FBXW8: variants seen among roughly 807,000 people sequenced by gnomAD.
The protein encoded by FBXW8 is F-box and WD repeat domain containing 8.
A neutral mutation model predicts 65.3 loss-of-function variants in FBXW8; 57 were observed. The ratio of observed to expected loss-of-function variants is 0.87; its 90% CI spans 0.71 to 1.09. The LOEUF is 1.09. Among genes scored for constraint, FBXW8 ranks in the 50% least tolerant of loss-of-function variants. FBXW8 has a pLI of 0.00. For synonymous variants in FBXW8, 308 were observed against 330.2 expected (o/e 0.93, Z 0.73); for missense variants, 777 against 814.8 (o/e 0.95, Z 0.57).
intron 8 of FBXW8, among the ~76,000 whole-genome samples, chr12:117,023,123 G>A (rs184607645): frequency 5.3e-5 from 8 of 152,234 alleles, no homozygotes; most frequent in Non-Finnish European, 8.8e-5. Context: ...TAGAATTGTT[G>A]GTTCAAAATA....
chr12:116,988,592 A>T, intron 6 of FBXW8, 71 bp from the exon 7 acceptor site: 1 of 1,326,570 alleles, frequency 7.5e-7, no homozygotes. Context: ...ATTGATGTGT[A>T]GGTGGAATTG....
At chr12:117,024,989 A>C (rs1233327712) in intron 9 of FBXW8, among the ~76,000 whole-genome samples, 1 of 152,178 alleles carries the variant, frequency 6.6e-6, no homozygotes, top group Non-Finnish European at 1.5e-5. Flanking sequence ...AGTGGCACCT[A>C]ACTGGTTAAG....
chr12:116,929,207 G>A (rs760104424), intron 2 of FBXW8, among the ~76,000 whole-genome samples: 2 of 152,006 alleles, frequency 1.3e-5, no homozygotes, highest in South Asian at 2.1e-4. Flanking sequence ...TCTTGTTCTC[G>A]TCTTTTTGGC....
chr12:116,947,975 T>C (rs965362103), intron 3 of FBXW8, among the ~76,000 whole-genome samples: 57 of 152,250 alleles, frequency 3.7e-4, no homozygotes, highest in African/African-American at 1.3e-3. Context: ...TGCACACAGA[T>C]GCAGGGTTCT....
intron 5 of FBXW8, among the ~76,000 whole-genome samples, chr12:116,976,149 A>G (rs1484536892): frequency 6.6e-6 from 1 of 152,250 alleles, no homozygotes; most frequent in Non-Finnish European, 1.5e-5. Flanking sequence ...AGGATTAAAT[A>G]AGACTGGATT....
intron 4 of FBXW8, chr12:116,950,603 T>C (rs1190370464): frequency 6.6e-6 from 1 of 152,208 alleles, no homozygotes; most frequent in Non-Finnish European, 1.5e-5. Flanking sequence ...CGGATTATTT[T>C]AATATTTTGT....
chr12:116,968,604 G>A (rs953252574), intron 5 of FBXW8, among the ~76,000 whole-genome samples: 28 of 152,200 alleles, frequency 1.8e-4, no homozygotes, highest in African/African-American at 6.5e-4. Flanking sequence ...TTTCACACAA[G>A]TGCAAGGAGG....
chr12:117,000,493 G>A (rs1953489150), intron 7 of FBXW8, among the ~76,000 whole-genome samples: 1 of 152,244 alleles, frequency 6.6e-6, no homozygotes, highest in Admixed American at 6.5e-5. Flanking sequence ...AAAACACTGA[G>A]CACTGGCCCC....
rs1414744053 is a variant in FBXW8, at chr12:116,961,110, C to G, written c.678-3587C>G. Among the ~76,000 whole-genome samples the G allele has an allele frequency of 6.6e-6, 1 of 152,172 alleles. No individual in the cohort carries two copies. Among genetic ancestry groups the G allele is most frequent in the South Asian group, 2.1e-4 (1 of 4,822 alleles). On this transcript the variant is annotated intron_variant, in intron 4 of 10. Coordinates refer to ENST00000652555, the MANE Select transcript of FBXW8 (RefSeq NM_153348.3). This position sits in a 1 kb window ranked among gnomAD's most constrained non-coding sequence, Gnocchi z 4.4. ...CTCCCAGTTCAAGCGATTCTTCTGC[C>G]TCAGCCTCCCAAGTAGGTGGGATTA...
rs376126929 is a variant in FBXW8, at chr12:116,982,574, C to T, written c.836-2632C>T. Reference sequence around the variant, plus strand: ...GAAATCGAAAAAGATGAAGACACAACAGGCTTTCAGGAGAGAAAGATTTGA... The same window carrying T: ...GAAATCGAAAAAGATGAAGACACAATAGGCTTTCAGGAGAGAAAGATTTGA... On this transcript the variant is annotated intron_variant, in intron 5 of 10. Transcript: ENST00000652555. 3.3e-5 allele frequency among the ~76,000 whole-genome samples: 5 copies of T among 151,240 alleles called. No homozygotes were observed. The South Asian group carries it at 1.0e-3, about 32-fold the overall frequency.
chr12:117,027,436 C>T lies in FBXW8; in HGVS notation c.1584C>T (p.Ile528=). The T allele has an allele frequency of 6.2e-7, 1 of 1,614,180 alleles. No individual in the cohort carries two copies. Among genetic ancestry groups the T allele is most frequent in the Non-Finnish European group, 8.5e-7 (1 of 1,180,038 alleles). Residue 528 remains isoleucine, a synonymous_variant, in exon 10 of 11, where the codon ATC becomes ATT. Transcript: ENST00000652555. ...QHISFSSHSL[I]TANVPYQTVM... Reference sequence around the variant, plus strand: ...TCTCATTCAGCAGCCACAGCCTCATCACGGCCAACGTGCCTTACCAGACGG... The same window carrying T: ...TCTCATTCAGCAGCCACAGCCTCATTACGGCCAACGTGCCTTACCAGACGG...
chr12:116,996,670 T>C (rs1274449011), intron 7 of FBXW8, among the ~76,000 whole-genome samples: 1 of 152,220 alleles, frequency 6.6e-6, no homozygotes, highest in African/African-American at 2.4e-5. Context: ...TTAATGTTTT[T>C]AATATTTATC....
intron 7 of FBXW8, 95 bp downstream of exon 7, chr12:116,988,964 A>T: frequency 3.4e-6 from 4 of 1,181,576 alleles, no homozygotes; most frequent in Non-Finnish European, 4.8e-6. Context: ...ATATTTTTCC[A>T]GATATATCAG....
chr12:117,024,398 C>T (rs1368702175), intron 9 of FBXW8, 78 bp downstream of exon 9: 72 of 1,542,406 alleles, frequency 4.7e-5, no homozygotes, highest in Middle Eastern at 1.7e-4. Context: ...GCACCAGGCA[C>T]GGTGCTAAAT....
chr12:117,023,515 A>T (rs1954149852), intron 8 of FBXW8, among the ~76,000 whole-genome samples: 1 of 152,160 alleles, frequency 6.6e-6, no homozygotes. Flanking sequence ...CATACATAAA[A>T]AGTAGTTTTT....
At chr12:116,926,963 C>G (rs150668326) in intron 1 of FBXW8, among the ~76,000 whole-genome samples, 1 of 152,008 alleles carries the variant, frequency 6.6e-6, no homozygotes, top group African/African-American at 2.4e-5. Context: ...TTTGAGACAG[C>G]AGCCTTGCAA....
chr12:116,972,261 A>G (rs1884685609), intron 5 of FBXW8, among the ~76,000 whole-genome samples: 1 of 152,202 alleles, frequency 6.6e-6, no homozygotes, highest in Admixed American at 6.5e-5. Context: ...AGACTGGAGA[A>G]ATAAATTGCC....
intron 2 of FBXW8, among the ~76,000 whole-genome samples, chr12:116,933,211 G>C (rs1182292966): frequency 6.6e-6 from 1 of 152,254 alleles, no homozygotes; most frequent in East Asian, 1.9e-4. Context: ...TCAGCCTGAT[G>C]CTGTTAGCCG....
intron 5 of FBXW8, among the ~76,000 whole-genome samples, chr12:116,974,563 T>C (rs1335563937): frequency 6.6e-6 from 1 of 152,244 alleles, no homozygotes; most frequent in East Asian, 1.9e-4. Context: ...ACTTCCATAC[T>C]ATTTTGTAGA....
Sources: gnomAD v4.1 joint callset for allele counts (sites outside exome capture counted in the v4.1 genomes callset) on GRCh38, gnomAD v4.1.1 for gene constraint, Gnocchi (gnomAD v3.1) non-coding constraint, MANE v1.5 for transcripts, NCBI Gene and HGNC (gene_info 2026-07-23, HGNC 2026-07-21) for gene names.